Variants in HCRTR2 observed in about 807,000 individuals in gnomAD.
The protein encoded by HCRTR2 is hypocretin receptor 2, also known as orexin receptor type 2.
Under a neutral mutation model 49.0 loss-of-function variants are expected in HCRTR2, and 22 were observed. The observed-to-expected ratio is 0.45, with a 90% CI of 0.32 to 0.64. The LOEUF is 0.64. HCRTR2 is among the 30% of genes least tolerant of loss of function. The pLI is 0.04. For missense variants in HCRTR2, 491 were observed against 559.4 expected (o/e 0.88, Z 1.23); for synonymous variants, 236 against 205.3 (o/e 1.15, Z -1.28).
At chr6:55,172,643 C>G (rs1025564079), upstream of HCRTR2, among the ~76,000 whole-genome samples, 12 of 152,104 alleles carry the variant, frequency 7.9e-5, no homozygotes, top group Non-Finnish European at 1.6e-4. Context: ...GAAGAAAGAA[C>G]AGATGGTTTT....
At chr6:55,183,408 G>C (rs1324222977) in intron 1 of HCRTR2, among the ~76,000 whole-genome samples, 1 of 152,192 alleles carries the variant, frequency 6.6e-6, no homozygotes, top group African/African-American at 2.4e-5. Context: ...AAAGTGTTAG[G>C]CAATTGGGTA....
At chr6:55,265,263 A>C (rs555456126) in intron 4 of HCRTR2, among the ~76,000 whole-genome samples, 2 of 152,174 alleles carry the variant, frequency 1.3e-5, no homozygotes, top group East Asian at 3.9e-4. Context: ...CTTATATTTT[A>C]GGGTGTTTGT....
intron 1 of HCRTR2, among the ~76,000 whole-genome samples, chr6:55,235,672 C>A (rs958333744): frequency 9.2e-5 from 14 of 151,916 alleles, no homozygotes; most frequent in African/African-American, 3.4e-4. Flanking sequence ...ATGTAGAAAT[C>A]AAATTTTTAT....
At chr6:55,223,272 G>A (rs9396062) in intron 1 of HCRTR2, among the ~76,000 whole-genome samples, 36,168 of 151,978 alleles carry the variant, frequency 0.24, 4,387 homozygotes, top group African/African-American at 0.28. Flanking sequence ...AAACAATTAG[G>A]TTGATCAATT....
chr6:55,251,106 G>A (rs189927164), intron 2 of HCRTR2, among the ~76,000 whole-genome samples: 5 of 152,238 alleles, frequency 3.3e-5, no homozygotes, highest in Admixed American at 2.6e-4. Context: ...CTCCCTAGTT[G>A]TGACATTCTG....
chr6:55,168,872 G>C, intron 1 of HCRTR2, among the ~76,000 whole-genome samples: 1 of 152,054 alleles, frequency 6.6e-6, no homozygotes, highest in South Asian at 2.1e-4. Context: ...TTGGCACAGA[G>C]CTTGGCCCAT....
chr6:55,282,508 A>C lies in HCRTR2; in HGVS notation c.*54A>C. Reference sequence around the variant, plus strand: ...GAGTAAAACTATCCTTTTTAAAATCACTGGGAACAGAAATTTTATTATCCT... The same window carrying C: ...GAGTAAAACTATCCTTTTTAAAATCCCTGGGAACAGAAATTTTATTATCCT... On this transcript the variant is annotated 3_prime_UTR_variant, in exon 7 of 7. Transcript: ENST00000370862. 2.1e-6 allele frequency: 2 copies of C among 969,380 alleles called. No homozygotes were observed. Among genetic ancestry groups the C allele is most frequent in the Non-Finnish European group, 3.2e-6 (2 of 617,816 alleles). 60.0% of individuals were successfully genotyped at this position (969,380 alleles called of 1,614,324 possible).
intron 4 of HCRTR2, 104 bp from the exon 5 acceptor site, chr6:55,277,276 T>C: frequency 1.1e-6 from 1 of 915,674 alleles, no homozygotes. Flanking sequence ...CTCCCACACC[T>C]CAGGCGTCTG....
intron 1 of HCRTR2, among the ~76,000 whole-genome samples, chr6:55,147,204 T>C (rs1029875692): frequency 2.6e-5 from 4 of 152,130 alleles, no homozygotes; most frequent in Non-Finnish European, 4.4e-5. Context: ...TTATTAGTTA[T>C]ATTTGTAAAT....
chr6:55,192,812 C>T (rs1274708479), intron 1 of HCRTR2, among the ~76,000 whole-genome samples: 1 of 152,162 alleles, frequency 6.6e-6, no homozygotes, highest in Non-Finnish European at 1.5e-5. Flanking sequence ...AGTTGTTGCC[C>T]ATTTTTCTGC....
intron 1 of HCRTR2, among the ~76,000 whole-genome samples, chr6:55,111,608 A>G (rs990866347): frequency 6.6e-6 from 1 of 151,994 alleles, no homozygotes; most frequent in Non-Finnish European, 1.5e-5. Flanking sequence ...GGAAGAAATC[A>G]AATCTCTGAA....
rs553212365 is a variant in HCRTR2 at position 55,179,881 on chromosome 6, C to T, written c.223+5071C>T. On this transcript the variant is annotated intron_variant, in intron 1 of 6. Transcript: ENST00000370862. Reference sequence around the variant, plus strand: ...AAGTCTCCATATTCTCACTCCGCTCCGAAACATCCACTGCTGATGTTATTT... The same window carrying T: ...AAGTCTCCATATTCTCACTCCGCTCTGAAACATCCACTGCTGATGTTATTT... Among the ~76,000 whole-genome samples the T allele has an allele frequency of 1.6e-3, 242 of 152,214 alleles. 2 individuals carry two copies. Among genetic ancestry groups the T allele is most frequent in the African/African-American group, 5.4e-3 (224 of 41,540 alleles).
chr6:55,147,773 G>C (rs2127256495), intron 1 of HCRTR2, among the ~76,000 whole-genome samples: 1 of 152,248 alleles, frequency 6.6e-6, no homozygotes, highest in African/African-American at 2.4e-5. Context: ...AGAGTTGATT[G>C]TATCTTACAT....
At chr6:55,235,755 G>T (rs9464213) in intron 1 of HCRTR2, among the ~76,000 whole-genome samples, 6,162 of 151,982 alleles carry the variant, frequency 0.041, 428 homozygotes, top group African/African-American at 0.14. Context: ...GCAGTACATG[G>T]CACTTTTGTC....
At chr6:55,173,071 A>T (rs373984773), upstream of HCRTR2, among the ~76,000 whole-genome samples, 1 of 152,184 alleles carries the variant, frequency 6.6e-6, no homozygotes, top group African/African-American at 2.4e-5. Flanking sequence ...CATTGAAAAG[A>T]AAAATACTAA....
chr6:55,204,387 C>T (rs1347136987), intron 1 of HCRTR2, among the ~76,000 whole-genome samples: 1 of 152,186 alleles, frequency 6.6e-6, no homozygotes, highest in African/African-American at 2.4e-5. Context: ...GACCTTATTT[C>T]TCCATTTTTC....
intron 1 of HCRTR2, among the ~76,000 whole-genome samples, chr6:55,186,272 A>G (rs1765214715): frequency 1.3e-5 from 2 of 152,320 alleles, no homozygotes; most frequent in Middle Eastern, 3.4e-3. Context: ...ATATAAGTAC[A>G]TTTTTTAAAT....
At chr6:55,173,895 A>G (rs184511033), upstream of HCRTR2, among the ~76,000 whole-genome samples, 3 of 152,346 alleles carry the variant, frequency 2.0e-5, no homozygotes, top group South Asian at 4.1e-4. Flanking sequence ...GTCAAATGTT[A>G]AAATAAGTTT....
At chr6:55,165,743 GAATATATATATATATATATATATATA>G (rs1383009902) in intron 1 of HCRTR2, among the ~76,000 whole-genome samples, 14 of 90,214 alleles carry the variant, frequency 1.6e-4, no homozygotes, top group Non-Finnish European at 2.8e-4. Flanking sequence ...TTAGTATACA[GAATATATATATATATATATATATATA>G]TATATATATA....
Sources: gnomAD v4.1 joint callset for allele counts (sites outside exome capture counted in the v4.1 genomes callset) on GRCh38, gnomAD v4.1.1 for gene constraint, MANE v1.5 for transcripts, NCBI Gene and HGNC (gene_info 2026-07-23, HGNC 2026-07-21) for gene names.